ATP2A2: variants seen among roughly 807,000 people sequenced by gnomAD.
The protein encoded by ATP2A2 is sarcoplasmic/endoplasmic reticulum calcium ATPase 2.
A neutral mutation model predicts 109.3 loss-of-function variants in ATP2A2; 14 were observed. The ratio of observed to expected loss-of-function variants is 0.13; its 90% CI spans 0.08 to 0.20. The LOEUF is 0.20. Ranked by LOEUF, ATP2A2 falls within the 10% of genes least tolerant of loss-of-function variation. The pLI is 1.00. For synonymous variants in ATP2A2, 506 were observed against 490.9 expected (o/e 1.03, Z -0.41); for missense variants, 657 against 1,321.6 (o/e 0.50, Z 7.80).
chr12:110,332,292 T>G, intron 8 of ATP2A2: 6 of 387,124 alleles, frequency 1.5e-5, no homozygotes, highest in East Asian at 1.2e-4. Flanking sequence ...ATAACTTGGA[T>G]TTTGTGTGGG....
chr12:110,322,934 T>C (rs559987518), intron 5 of ATP2A2, 58 bp from the exon 6 acceptor site: 1 of 1,193,438 alleles, frequency 8.4e-7, no homozygotes, highest in East Asian at 2.3e-5. Context: ...AATTCATCTT[T>C]AGATAACATA....
At chr12:110,313,239 T>A (rs1876285788) in intron 5 of ATP2A2, among the ~76,000 whole-genome samples, 1 of 152,102 alleles carries the variant, frequency 6.6e-6, no homozygotes, top group Non-Finnish European at 1.5e-5. Context: ...TGCCAACCTT[T>A]TCATTCTTGC....
Position 110,344,951 on chromosome 12 carries a change from A to G in ATP2A2, c.2587A>G (p.Arg863Gly). The change falls in exon 17 of 20, where the codon AGA (arginine) becomes GGA (glycine). Residue 863 changes from arginine (R) to glycine (G), a missense_variant. Arg to Gly is a moderately radical substitution (Grantham distance 125). Coordinates refer to ENST00000539276, the MANE Select transcript of ATP2A2 (RefSeq NM_170665.4). ...GTTCATTGCTGCTGACGGTGGTCCA[A>G]GAGTGTCCTTCTACCAGCTGGTACT... ...WWFIAADGGP[R>G]VSFYQLSHFL... 5 of 1,614,060 alleles carry G rather than the reference A, an allele frequency of 3.1e-6. No individual in the cohort carries two copies. Among genetic ancestry groups the G allele is most frequent in the Non-Finnish European group, 4.2e-6 (5 of 1,179,996 alleles).
chr12:110,300,207 C>T (rs906241585), intron 5 of ATP2A2, among the ~76,000 whole-genome samples: 20 of 94,042 alleles, frequency 2.1e-4, no homozygotes, highest in South Asian at 3.6e-4. Context: ...TTTTTTTTAA[C>T]TTGGAGACAG....
rs776004661 is a variant in ATP2A2, at chr12:110,346,477, G to C, written c.*7G>C. On this transcript the variant is annotated 3_prime_UTR_variant, in exon 20 of 20. Coordinates refer to ENST00000539276, the MANE Select transcript of ATP2A2 (RefSeq NM_170665.4). ...CGATATGTTCTGGTCTTGACTGACAGTTTTCCATAAAGAAGATGTTTAACT... is the reference window on the plus strand; with the variant it reads ...CGATATGTTCTGGTCTTGACTGACACTTTTCCATAAAGAAGATGTTTAACT... 6.2e-7 allele frequency: 1 copy of C among 1,614,026 alleles called. No individual in the cohort carries two copies. The highest frequency in any genetic ancestry group is 1.3e-5 in the African/African-American group (1 of 74,918).
chr12:110,299,675 A>G (rs1255345690), intron 5 of ATP2A2, among the ~76,000 whole-genome samples: 2 of 152,108 alleles, frequency 1.3e-5, no homozygotes, highest in African/African-American at 4.8e-5. Flanking sequence ...GCTGGAGTGC[A>G]ATGGCACCAT....
At chr12:110,333,797 T>A (rs1878568557) in intron 10 of ATP2A2, among the ~76,000 whole-genome samples, 1 of 152,208 alleles carries the variant, frequency 6.6e-6, no homozygotes, top group African/African-American at 2.4e-5. Flanking sequence ...TTAAGGGAAA[T>A]GAAAAACCTA....
chr12:110,291,502 A>G (rs1873291144), intron 3 of ATP2A2, among the ~76,000 whole-genome samples: 1 of 152,040 alleles, frequency 6.6e-6, no homozygotes, highest in African/African-American at 2.4e-5. Context: ...CACTGTGCCC[A>G]GCTGAAGTAT....
chr12:110,348,608 T>C lies in ATP2A2; in HGVS notation c.*2138T>C. The C allele has an allele frequency of 2.0e-6, 2 of 985,370 alleles. No homozygotes were observed. Among genetic ancestry groups the C allele is most frequent in the Middle Eastern group, 5.2e-4 (1 of 1,920 alleles). 61.0% of individuals were successfully genotyped at this position (985,370 alleles called of 1,614,324 possible). A position where few individuals can be genotyped will look rare whatever the true frequency, so the allele number is the denominator to read the frequency against. On this transcript the variant is annotated 3_prime_UTR_variant, in exon 20 of 20. Transcript: ENST00000539276. ...GTGGTTGGGTGTGGTGGCTCATGCC[T>C]GTAAGTAAGTCTCAGCCCTTTGGAG...
intron 11 of ATP2A2, 43 bp downstream of exon 11, chr12:110,334,186 T>G: frequency 6.2e-7 from 1 of 1,609,720 alleles, no homozygotes; most frequent in Non-Finnish European, 8.5e-7. Context: ...TGCTTATCAG[T>G]CGTACTATAT....
chr12:110,281,690 G>C lies in ATP2A2; in HGVS notation c.-100G>C, dbSNP rs1278300755. On this transcript the variant is annotated 5_prime_UTR_variant, in exon 1 of 20. Coordinates refer to ENST00000539276, the MANE Select transcript of ATP2A2 (RefSeq NM_170665.4). ...GAGGAGGAGGGGAGAGCCCGTCCGC[G>C]CCTGGGCTCCCGGGGTGGCACGAGC... 9.0e-6 allele frequency: 7 copies of C among 779,214 alleles called. No individual in the cohort carries two copies. In the East Asian group the frequency reaches 2.5e-4, roughly 28 times the overall value. The allele number at this position is 779,214 out of a possible 1,614,324, so 48.3% of individuals were successfully genotyped here.
chr12:110,322,158 G>A (rs530172297), intron 5 of ATP2A2, among the ~76,000 whole-genome samples: 1 of 152,234 alleles, frequency 6.6e-6, no homozygotes, highest in East Asian at 1.9e-4. Flanking sequence ...ATATGCCCCA[G>A]CTGTGCAGTG....
chr12:110,334,460 G>T (rs1181277944), intron 11 of ATP2A2, among the ~76,000 whole-genome samples: 2 of 151,836 alleles, frequency 1.3e-5, no homozygotes, highest in African/African-American at 4.8e-5. Context: ...CTGCATTATT[G>T]ATTTCCATCT....
Position 110,341,002 on chromosome 12 carries a change from T to A in ATP2A2, c.2097+8T>A. 1 of 1,613,826 alleles carries A rather than the reference T, an allele frequency of 6.2e-7. No homozygotes were observed. Among genetic ancestry groups the A allele is most frequent in the Non-Finnish European group, 8.5e-7 (1 of 1,179,712 alleles). On this transcript the variant is annotated splice_region_variant and intron_variant, in intron 14 of 19. Transcript: ENST00000539276. ...GATGAGATTACAGCTATGGTGAGCATGTTTGAACATGTACAGGTGACTCAG... is the reference window on the plus strand; with the variant it reads ...GATGAGATTACAGCTATGGTGAGCAAGTTTGAACATGTACAGGTGACTCAG...
At chr12:110,317,870 A>G (rs1876835627) in intron 5 of ATP2A2, among the ~76,000 whole-genome samples, 1 of 152,218 alleles carries the variant, frequency 6.6e-6, no homozygotes, top group Non-Finnish European at 1.5e-5. Context: ...TCTTTATTGT[A>G]ATAGCAAATT....
chr12:110,323,122 C>T, intron 6 of ATP2A2, 50 bp downstream of exon 6: 3 of 1,391,694 alleles, frequency 2.2e-6, no homozygotes, highest in South Asian at 2.3e-5. Flanking sequence ...TTCGCATATT[C>T]CATGCCAATA....
intron 11 of ATP2A2, among the ~76,000 whole-genome samples, chr12:110,337,344 A>G (rs571468105): frequency 1.3e-5 from 2 of 152,120 alleles, no homozygotes; most frequent in South Asian, 4.2e-4. Context: ...ACTGAAAGGG[A>G]TTTCCCTCCC....
At chr12:110,294,582 G>T (rs547105948) in intron 4 of ATP2A2, among the ~76,000 whole-genome samples, 3 of 152,124 alleles carry the variant, frequency 2.0e-5, no homozygotes, top group African/African-American at 7.2e-5. Context: ...CTAGGGGGCG[G>T]AGTTTGCAGT....
At position 110,347,555 on chromosome 12, in the gene ATP2A2, A is replaced by C; in HGVS notation, c.*1085A>C. The C allele has an allele frequency of 7.8e-7, 1 of 1,285,730 alleles. No homozygotes were observed. The highest frequency in any genetic ancestry group is 1.0e-6 in the Non-Finnish European group (1 of 986,198). 79.6% of individuals were successfully genotyped at this position (1,285,730 alleles called of 1,614,324 possible). On this transcript the variant is annotated 3_prime_UTR_variant, in exon 20 of 20. Transcript: ENST00000539276. ...CTGCTGGCCTGGTATAGAGAACATA[A>C]GGGCAAGTGTGTATGTGTGTGTATG...
Sources: gnomAD v4.1 joint callset for allele counts (sites outside exome capture counted in the v4.1 genomes callset) on GRCh38, gnomAD v4.1.1 for gene constraint, MANE v1.5 for transcripts, NCBI Gene and HGNC (gene_info 2026-07-23, HGNC 2026-07-21) for gene names.